Variants in MMD2 observed in about 807,000 individuals in gnomAD.
The protein encoded by MMD2 is monocyte to macrophage differentiation associated 2.
A neutral mutation model predicts 33.5 loss-of-function variants in MMD2; 30 were observed. The ratio of observed to expected loss-of-function variants is 0.90; its 90% CI spans 0.67 to 1.22. MMD2 has a LOEUF of 1.22. Among genes scored for constraint, MMD2 ranks in the 50% most tolerant of loss-of-function variants. The pLI is 0.00. For synonymous variants in MMD2, 129 were observed against 123.0 expected (o/e 1.05, Z -0.32); for missense variants, 364 against 325.4 (o/e 1.12, Z -0.91).
At chr7:4,933,350 T>C (rs1785645393) in intron 1 of MMD2, among the ~76,000 whole-genome samples, 2 of 152,142 alleles carry the variant, frequency 1.3e-5, no homozygotes, top group South Asian at 4.1e-4. Flanking sequence ...TGGGAGAGCA[T>C]GATTGTCTCA....
At chr7:4,907,647 G>A in intron 6 of MMD2, 48 bp from the exon 7 acceptor site, 1 of 1,592,376 alleles carries the variant, frequency 6.3e-7, no homozygotes, top group South Asian at 1.1e-5. Flanking sequence ...GGCAGTCAGT[G>A]TGGCTGAAAG....
chr7:4,913,844 G>T (rs1241111285), intron 4 of MMD2, among the ~76,000 whole-genome samples: 2 of 150,374 alleles, frequency 1.3e-5, no homozygotes, highest in African/African-American at 4.9e-5. Context: ...TGTATTTTTA[G>T]TAGAGACGGG....
In MMD2 at chr7:4,951,322, A is replaced by G. The variant is rs192819554; in HGVS notation, c.47+7649T>C. ...GTTTAAAAGCCCTTAATGGTGCCAT[A>G]GAGCCCATGGAACAGTGGTCGGGTG... On this transcript the variant is annotated intron_variant, in intron 1 of 6. Transcript: ENST00000401401. Among the ~76,000 whole-genome samples, 17 of 152,186 alleles carry G rather than the reference A, an allele frequency of 1.1e-4. No homozygotes were observed. The East Asian group carries it at 3.3e-3, about 29-fold the overall frequency.
At chr7:4,898,818 G>A in the MMD2 span, among the ~76,000 whole-genome samples, 7 of 152,274 alleles carry the variant, frequency 4.6e-5, no homozygotes, top group African/African-American at 1.7e-4. Context: ...ATAATTGCTT[G>A]AACCTAGGAG....
chr7:4,914,861 G>A (rs978425702), intron 4 of MMD2, among the ~76,000 whole-genome samples: 4 of 152,112 alleles, frequency 2.6e-5, no homozygotes, highest in Non-Finnish European at 4.4e-5. Flanking sequence ...AACCCGGGAG[G>A]TGGAGGTTGC....
chr7:4,934,922 A>G (rs1785695898), intron 1 of MMD2, among the ~76,000 whole-genome samples: 1 of 152,208 alleles, frequency 6.6e-6, no homozygotes, highest in African/African-American at 2.4e-5. Context: ...GGGGTGGCTC[A>G]CGCCTGTGAT....
chr7:4,920,855 C>G (rs535365000), intron 2 of MMD2, among the ~76,000 whole-genome samples: 17 of 151,780 alleles, frequency 1.1e-4, no homozygotes, highest in Non-Finnish European at 1.6e-4. Context: ...GTAGCTGGGA[C>G]TACAGGCACC....
intron 1 of MMD2, among the ~76,000 whole-genome samples, chr7:4,928,759 C>T (rs1785497615): frequency 6.6e-6 from 1 of 151,584 alleles, no homozygotes; most frequent in Non-Finnish European, 1.5e-5. Context: ...ATGCTGGCTC[C>T]ATGCTAAGTA....
chr7:4,898,714 CA>C, the MMD2 span, among the ~76,000 whole-genome samples: 19 of 152,288 alleles, frequency 1.2e-4, no homozygotes, highest in African/African-American at 4.3e-4. Flanking sequence ...AGCTGGCCAA[CA>C]TGGCGAAACC....
chr7:4,913,004 G>A (rs938931228), intron 4 of MMD2, among the ~76,000 whole-genome samples: 1 of 152,078 alleles, frequency 6.6e-6, no homozygotes, highest in Non-Finnish European at 1.5e-5. Flanking sequence ...CGCCTGGCCT[G>A]GAATGAATTT....
At chr7:4,892,659 A>G in the MMD2 span, among the ~76,000 whole-genome samples, 1 of 152,008 alleles carries the variant, frequency 6.6e-6, no homozygotes, top group Admixed American at 6.6e-5. Context: ...CAAGCAGGAC[A>G]GGTAGAACAT....
At chr7:4,936,842 C>G (rs921711204) in intron 1 of MMD2, among the ~76,000 whole-genome samples, 1 of 152,050 alleles carries the variant, frequency 6.6e-6, no homozygotes, top group African/African-American at 2.4e-5. Flanking sequence ...TCAAGCAATT[C>G]TCTTCCCTCA....
intron 1 of MMD2, among the ~76,000 whole-genome samples, chr7:4,944,767 T>C (rs1333383011): frequency 7.3e-6 from 1 of 137,152 alleles, no homozygotes; most frequent in East Asian, 2.1e-4. Context: ...CTTCTTTTTT[T>C]TTTTTTTTTT....
In MMD2 at chr7:4,906,202, G is replaced by A. The variant is rs772894287; in HGVS notation, c.*1194C>T. On this transcript the variant is annotated 3_prime_UTR_variant, in exon 7 of 7. Coordinates refer to ENST00000401401, the MANE Select transcript of MMD2 (RefSeq NM_198403.4). The stretch of plus-strand genomic sequence containing the variant: ...CTGAGATTCCAATTCAGATCCTGGA[G>A]CTGGGCCTGCTACTCACCTCCCCAG... The A allele has an allele frequency of 3.4e-5, 11 of 325,218 alleles. No individual in the cohort carries two copies. The Admixed American group carries it at 3.4e-4, about 10-fold the overall frequency. The allele number at this position is 325,218 out of a possible 1,614,324, so 20.1% of individuals were successfully genotyped here.
downstream of MMD2, among the ~76,000 whole-genome samples, chr7:4,902,188 G>A (rs953114583): frequency 1.3e-5 from 2 of 152,212 alleles, no homozygotes; most frequent in Non-Finnish European, 2.9e-5. Context: ...CTGGCCTCAA[G>A]TGATCCACCC....
chr7:4,909,432 C>CAAAA (rs398066566), intron 6 of MMD2, among the ~76,000 whole-genome samples: 5 of 133,540 alleles, frequency 3.7e-5, no homozygotes, highest in Admixed American at 7.6e-5. Context: ...CCTGCCTCTA[C>CAAAA]AAAAAAAAAA....
chr7:4,908,153 T>TG (rs889709193), intron 6 of MMD2, among the ~76,000 whole-genome samples: 2 of 151,680 alleles, frequency 1.3e-5, no homozygotes, highest in African/African-American at 4.8e-5. Flanking sequence ...TTTTGTTTTT[T>TG]TTTTTTTTGA....
At chr7:4,893,289 A>G in the MMD2 span, among the ~76,000 whole-genome samples, 2 of 152,136 alleles carry the variant, frequency 1.3e-5, no homozygotes, top group Non-Finnish European at 2.9e-5. Flanking sequence ...AAGAAAGTCA[A>G]GAAATAAAAG....
intron 1 of MMD2, among the ~76,000 whole-genome samples, chr7:4,932,238 G>T (rs1399701570): frequency 6.6e-6 from 1 of 152,132 alleles, no homozygotes; most frequent in East Asian, 1.9e-4. Flanking sequence ...CTGGCGGAGA[G>T]GGGAGAGGGA....
Sources: gnomAD v4.1 joint callset for allele counts (sites outside exome capture counted in the v4.1 genomes callset) on GRCh38, gnomAD v4.1.1 for gene constraint, MANE v1.5 for transcripts, NCBI Gene and HGNC (gene_info 2026-07-23, HGNC 2026-07-21) for gene names.